MACROD2: variants seen among roughly 807,000 people sequenced by gnomAD.
MACROD2 encodes mono-ADP ribosylhydrolase 2.
A neutral mutation model predicts 70.4 loss-of-function variants in MACROD2; 36 were observed. The observed-to-expected ratio is 0.51, with a 90% confidence interval of 0.39 to 0.68. MACROD2 has a LOEUF of 0.68. Among genes scored for constraint, MACROD2 ranks in the 30% least tolerant of loss-of-function variants. MACROD2 has a pLI of 0.00. For synonymous variants in MACROD2, 172 were observed against 178.8 expected, an observed-to-expected ratio of 0.96 and a Z score of 0.30; for missense variants, 496 against 538.4, an observed-to-expected ratio of 0.92 and a Z score of 0.78.
intron 10 of MACROD2, among the ~76,000 whole-genome samples, chr20:15,907,871 G>A (rs552764041): frequency 1.1e-3 from 165 of 152,174 alleles, no homozygotes; most frequent in Non-Finnish European, 1.7e-3. Flanking sequence ...TCTCTAGACT[G>A]CTTTTTGCCT....
chr20:14,085,480 G>A (rs934894647), intron 2 of MACROD2, 141 bp from the exon 3 acceptor site: 3 of 438,148 alleles, frequency 6.8e-6, no homozygotes, highest in Non-Finnish European at 1.2e-5. Context: ...CACACCCCTT[G>A]TACTTACGCT....
rs1202435012 is a variant in MACROD2, at chr20:15,731,021, C to T, written c.646-131724C>T. Among the ~76,000 whole-genome samples, 3 of 58,516 alleles carry T rather than the reference C, an allele frequency of 5.1e-5. 1 individual carries two copies. Among genetic ancestry groups the T allele is most frequent in the Non-Finnish European group, 1.4e-4 (3 of 20,782 alleles). 38.4% of individuals were successfully genotyped at this position (58,516 alleles called of 152,430 possible). ...CTTGAGGTGAGTTTTTCAGCTCTAT[C>T]AGATCAGTTTGGTTGTTTCTTAAAA... On this transcript the variant is annotated intron_variant, in intron 8 of 17. Coordinates refer to ENST00000684519, the MANE Select transcript of MACROD2 (RefSeq NM_001351661.2).
intron 12 of MACROD2, among the ~76,000 whole-genome samples, chr20:15,964,297 C>T (rs2147399366): frequency 6.6e-6 from 1 of 152,248 alleles, no homozygotes; most frequent in Middle Eastern, 3.4e-3. Flanking sequence ...ATTTATTTCT[C>T]ACAGTTCTGG....
rs572536580 is a variant in MACROD2, at chr20:14,201,113, CT to C, written c.271+115387del. On this transcript the variant is annotated intron_variant, in intron 3 of 17. Coordinates refer to ENST00000684519, the MANE Select transcript of MACROD2 (RefSeq NM_001351661.2). Reference sequence around the variant, plus strand: ...TAATGCTAAATTATCTTTTTCTCTACTTGCACTACAGATGTTTTCCTTTTGT... The same window carrying C: ...TAATGCTAAATTATCTTTTTCTCTACTGCACTACAGATGTTTTCCTTTTGT... 4.6e-5 allele frequency among the ~76,000 whole-genome samples: 7 copies of C among 152,180 alleles called. No homozygotes were observed. The South Asian group carries it at 1.5e-3, about 32-fold the overall frequency.
At chr20:14,766,940 C>A (rs1228077076) in intron 5 of MACROD2, among the ~76,000 whole-genome samples, 1 of 152,054 alleles carries the variant, frequency 6.6e-6, no homozygotes, top group Admixed American at 6.6e-5. Context: ...TTAAATATTT[C>A]CCAGTAAGCC....
intron 3 of MACROD2, among the ~76,000 whole-genome samples, chr20:14,302,383 A>G (rs2122491463): frequency 6.6e-6 from 1 of 152,304 alleles, no homozygotes; most frequent in African/African-American, 2.4e-5. Context: ...CTCTGACTTC[A>G]CTTTCACTCA....
intron 9 of MACROD2, among the ~76,000 whole-genome samples, chr20:15,869,210 CATATATATATATAT>C (rs778142501): frequency 1.9e-5 from 1 of 51,908 alleles, no homozygotes; most frequent in African/African-American, 5.9e-5. Context: ...ATGTGATTAA[CATATATATATATAT>C]ATATATATAT....
intron 15 of MACROD2, among the ~76,000 whole-genome samples, chr20:15,989,812 G>A (rs1466624223): frequency 8.7e-6 from 1 of 115,214 alleles, no homozygotes; most frequent in Non-Finnish European, 1.8e-5. Flanking sequence ...CTTTTAAGGA[G>A]GCAGAAAGTG....
chr20:14,925,649 T>G (rs1334871670), intron 5 of MACROD2, among the ~76,000 whole-genome samples: 1 of 152,206 alleles, frequency 6.6e-6, no homozygotes, highest in Non-Finnish European at 1.5e-5. Context: ...TCTAGAAACC[T>G]TGGTCATTCA....
chr20:15,409,510 G>A (rs2046048371), intron 6 of MACROD2, among the ~76,000 whole-genome samples: 2 of 152,204 alleles, frequency 1.3e-5, no homozygotes, highest in South Asian at 4.1e-4. Context: ...TTGAACATTT[G>A]CTTCATATGG....
intron 8 of MACROD2, among the ~76,000 whole-genome samples, chr20:15,715,227 T>TA (rs35654243): frequency 2.0e-5 from 3 of 151,588 alleles, no homozygotes; most frequent in African/African-American, 4.8e-5. Context: ...TTAGTGTGAT[T>TA]AAAAAAAAAT....
At chr20:15,171,301 TCTC>T (rs1170322195) in intron 5 of MACROD2, among the ~76,000 whole-genome samples, 1 of 150,278 alleles carries the variant, frequency 6.7e-6, no homozygotes, top group Non-Finnish European at 1.5e-5. Flanking sequence ...TCCCTCCATC[TCTC>T]CTCCTCCACC....
intron 3 of MACROD2, among the ~76,000 whole-genome samples, chr20:14,265,496 C>CT (rs1029215168): frequency 1.7e-4 from 26 of 151,872 alleles, no homozygotes; most frequent in Middle Eastern, 3.4e-3. Flanking sequence ...ATCTAAGGGA[C>CT]TTTTTTTTCA....
intron 4 of MACROD2, among the ~76,000 whole-genome samples, chr20:14,504,101 A>G (rs570381062): frequency 3.4e-4 from 52 of 152,290 alleles, no homozygotes; most frequent in Admixed American, 2.8e-3. Context: ...AGATTTCACA[A>G]TGACATGGAC....
intron 5 of MACROD2, among the ~76,000 whole-genome samples, chr20:14,931,961 C>T (rs1011584122): frequency 1.3e-5 from 2 of 150,032 alleles, no homozygotes; most frequent in African/African-American, 2.5e-5. Flanking sequence ...ATGAATGTAC[C>T]ACTGCACTCT....
chr20:15,440,610 T>G (rs2046483051), intron 7 of MACROD2, among the ~76,000 whole-genome samples: 1 of 152,226 alleles, frequency 6.6e-6, no homozygotes, highest in East Asian at 1.9e-4. Context: ...TAGGGCATTC[T>G]CCAACGGCAA....
At chr20:15,434,390 T>C (rs1445195590) in intron 7 of MACROD2, among the ~76,000 whole-genome samples, 2 of 151,088 alleles carry the variant, frequency 1.3e-5, no homozygotes, top group Non-Finnish European at 2.9e-5. Context: ...AAAGAAGATA[T>C]GCAAGCAGCC....
chr20:15,653,996 C>T (rs556217757), intron 8 of MACROD2, among the ~76,000 whole-genome samples: 1 of 151,796 alleles, frequency 6.6e-6, no homozygotes, highest in African/African-American at 2.4e-5. Context: ...TATGTCCCTC[C>T]GACTAGGGCA....
intron 5 of MACROD2, among the ~76,000 whole-genome samples, chr20:15,136,149 T>C (rs367826791): frequency 6.6e-6 from 1 of 150,680 alleles, no homozygotes; most frequent in Non-Finnish European, 1.5e-5. Flanking sequence ...AGGTAATTTA[T>C]AGATTCAATG....
Sources: allele counts gnomAD v4.1 joint callset (sites outside exome capture counted in the v4.1 genomes callset), GRCh38; gene constraint gnomAD v4.1.1; transcripts MANE v1.5; gene names NCBI Gene and HGNC (gene_info 2026-07-23, HGNC 2026-07-21).